KIAA1217: variants seen among roughly 807,000 people sequenced by gnomAD.
The protein encoded by KIAA1217 is KIAA1217.
In KIAA1217, 88 loss-of-function variants were observed where a neutral mutation model predicts 163.9. That is an observed-to-expected ratio of 0.54 (90% CI 0.45 to 0.64). The LOEUF is 0.64. Among genes scored for constraint, KIAA1217 ranks in the 30% least tolerant of loss-of-function variants. KIAA1217 has a pLI of 0.00. For synonymous variants in KIAA1217, 903 were observed against 923.1 expected (o/e 0.98, Z 0.39); for missense variants, 2,372 against 2,475.0 (o/e 0.96, Z 0.88).
intron 2 of KIAA1217, among the ~76,000 whole-genome samples, chr10:24,260,586 C>CAAAAAA (rs11352927): frequency 3.3e-5 from 2 of 61,162 alleles, no homozygotes; most frequent in African/African-American, 1.2e-4. Context: ...CTCATCTCTA[C>CAAAAAA]AAAAAAAAAA....
chr10:24,443,816 G>A (rs2060696992), intron 5 of KIAA1217, among the ~76,000 whole-genome samples: 1 of 152,004 alleles, frequency 6.6e-6, no homozygotes, highest in Admixed American at 6.6e-5. Flanking sequence ...AGTGTTTACA[G>A]GTTAAATGAC....
At chr10:24,223,711 CTT>C (rs535787368) in intron 2 of KIAA1217, among the ~76,000 whole-genome samples, 56 of 128,412 alleles carry the variant, frequency 4.4e-4, no homozygotes, top group African/African-American at 1.0e-3. Flanking sequence ...AATCTAGGTT[CTT>C]TTTTTTTTTT....
intron 2 of KIAA1217, among the ~76,000 whole-genome samples, chr10:24,092,887 T>C (rs1326008872): frequency 2.0e-5 from 3 of 150,624 alleles, no homozygotes; most frequent in Non-Finnish European, 2.9e-5. Flanking sequence ...AAAGTGAATT[T>C]TACTGTGTGT....
At chr10:24,109,653 G>T (rs2062768142) in intron 2 of KIAA1217, among the ~76,000 whole-genome samples, 1 of 152,104 alleles carries the variant, frequency 6.6e-6, no homozygotes, top group African/African-American at 2.4e-5. Context: ...AAAAGTGCTT[G>T]AAAGTGAAAG....
At chr10:23,895,275 G>A (rs562709245) in intron 1 of KIAA1217, among the ~76,000 whole-genome samples, 1 of 152,054 alleles carries the variant, frequency 6.6e-6, no homozygotes, top group South Asian at 2.1e-4. Flanking sequence ...AATCTACAAT[G>A]AACTCAAACA....
chr10:23,905,311 A>C (rs1224872733), intron 1 of KIAA1217, among the ~76,000 whole-genome samples: 1 of 151,822 alleles, frequency 6.6e-6, no homozygotes, highest in Non-Finnish European at 1.5e-5. Context: ...TTGTCTCTGC[A>C]AGTCTCCCCA....
chr10:24,316,895 AAAACT>A lies in KIAA1217; in HGVS notation c.355-63973_355-63969del, dbSNP rs746083087. Among the ~76,000 whole-genome samples the A allele has an allele frequency of 5.3e-5, 8 of 152,302 alleles. No individual in the cohort carries two copies. The South Asian group carries it at 1.7e-3, about 32-fold the overall frequency. ...TTTTCTGAAGGCTTTGAATGGAATG[AAAACT>A]GCCTGTTCAAATGGTTCTGAGGATA... On this transcript the variant is annotated intron_variant, in intron 2 of 20. Coordinates refer to ENST00000376454, the MANE Select transcript of KIAA1217 (RefSeq NM_019590.5).
At chr10:24,515,684 C>G (rs2070012860) in intron 10 of KIAA1217, among the ~76,000 whole-genome samples, 1 of 152,198 alleles carries the variant, frequency 6.6e-6, no homozygotes, top group African/African-American at 2.4e-5. Flanking sequence ...AAAAGAGAGA[C>G]TAACCCAGGG....
chr10:24,520,647 A>ATATATATAT (rs1193579727), intron 11 of KIAA1217, among the ~76,000 whole-genome samples: 1 of 81,676 alleles, frequency 1.2e-5, no homozygotes. Flanking sequence ...AAAAAAAAAA[A>ATATATATAT]AAAAATATAT....
chr10:23,818,329 ATTT>A (rs201362604), intron 1 of KIAA1217, among the ~76,000 whole-genome samples: 1 of 131,622 alleles, frequency 7.6e-6, no homozygotes, highest in African/African-American at 3.2e-5. Context: ...CTATATATAT[ATTT>A]TATATATATA....
At chr10:24,390,879 G>C (rs568362961) in intron 3 of KIAA1217, among the ~76,000 whole-genome samples, 1 of 152,112 alleles carries the variant, frequency 6.6e-6, no homozygotes, top group Non-Finnish European at 1.5e-5. Flanking sequence ...AAAAGGCAGC[G>C]TTGTCCAGGT....
Position 24,015,709 on chromosome 10 carries a change from T to G in KIAA1217, c.-171+8335T>G, listed in dbSNP as rs574806453. The stretch of plus-strand genomic sequence containing the variant: ...GGCAGAGGTTGCAGTGAGCCAAGAT[T>G]GTGCCACTACACTTCAGCCTGGGCC... On this transcript the variant is annotated intron_variant, in intron 2 of 18. Transcript: ENST00000376462. Among the ~76,000 whole-genome samples the G allele has an allele frequency of 4.5e-4, 68 of 149,510 alleles. 2 individuals carry two copies. In the South Asian group the frequency reaches 0.014, roughly 31 times the overall value.
intron 2 of KIAA1217, among the ~76,000 whole-genome samples, chr10:24,098,202 G>A (rs779655367): frequency 1.4e-4 from 22 of 152,034 alleles, no homozygotes; most frequent in Non-Finnish European, 3.1e-4. Context: ...AGGGCCCTAG[G>A]AGGTGTGGGA....
intron 2 of KIAA1217, among the ~76,000 whole-genome samples, chr10:24,342,904 A>T (rs1591143788): frequency 6.6e-6 from 1 of 151,716 alleles, no homozygotes; most frequent in South Asian, 2.1e-4. Flanking sequence ...GGATCCGCCG[A>T]CCTCTGCCTC....
intron 3 of KIAA1217, among the ~76,000 whole-genome samples, chr10:24,402,627 T>G (rs2131106901): frequency 6.6e-6 from 1 of 152,068 alleles, no homozygotes; most frequent in East Asian, 1.9e-4. Context: ...TTAGGCTGCT[T>G]ATAGAGCTAC....
chr10:24,001,176 C>T (rs1846727559), intron 1 of KIAA1217, among the ~76,000 whole-genome samples: 1 of 152,010 alleles, frequency 6.6e-6, no homozygotes. Flanking sequence ...GCTCATCTTA[C>T]ATAATATAAT....
chr10:24,222,022 G>A (rs1339560864), intron 2 of KIAA1217, among the ~76,000 whole-genome samples: 2 of 152,090 alleles, frequency 1.3e-5, no homozygotes, highest in African/African-American at 4.8e-5. Flanking sequence ...ATAGAAATTG[G>A]CCTGTCAAAA....
intron 12 of KIAA1217, among the ~76,000 whole-genome samples, chr10:24,523,134 A>G (rs1382879218): frequency 6.6e-6 from 1 of 152,180 alleles, no homozygotes; most frequent in Non-Finnish European, 1.5e-5. Context: ...CCTGGGTGAC[A>G]GAGCAAGACC....
At chr10:24,351,123 T>A (rs961572897) in intron 2 of KIAA1217, among the ~76,000 whole-genome samples, 4 of 152,136 alleles carry the variant, frequency 2.6e-5, no homozygotes, top group South Asian at 2.1e-4. Context: ...AATTTTTGTA[T>A]TTTTAGTAGA....
Sources: gnomAD v4.1 joint callset for allele counts (sites outside exome capture counted in the v4.1 genomes callset) on GRCh38, gnomAD v4.1.1 for gene constraint, MANE v1.5 for transcripts, NCBI Gene and HGNC (gene_info 2026-07-23, HGNC 2026-07-21) for gene names.